The following RALGAPA1 variants were observed in gnomAD, a reference collection of about 807,000 sequenced individuals.
The protein encoded by RALGAPA1 is Ral GTPase activating protein catalytic subunit alpha 1.
Under a neutral mutation model 269.6 loss-of-function variants are expected in RALGAPA1, and 52 were observed. The observed-to-expected ratio is 0.19, with a 90% CI of 0.15 to 0.24. RALGAPA1 has a LOEUF of 0.24. Ranked by LOEUF, RALGAPA1 falls within the 10% of genes least tolerant of loss-of-function variation. The probability of loss-of-function intolerance (pLI) is 1.00; values close to 1 mark genes in which losing one functional copy is unlikely to be tolerated. For missense variants in RALGAPA1, 1,917 were observed against 3,013.9 expected, an observed-to-expected ratio of 0.64 and a Z score of 8.52; for synonymous variants, 817 against 1,008.3, an observed-to-expected ratio of 0.81 and a Z score of 3.60.
At chr14:35,736,118 G>C (rs996421531) in intron 12 of RALGAPA1, among the ~76,000 whole-genome samples, 1 of 152,182 alleles carries the variant, frequency 6.6e-6, no homozygotes, top group African/African-American at 2.4e-5. Flanking sequence ...AGATTAGAGA[G>C]AGAAACTTAG....
chr14:35,548,435 T>A (rs1011931493), intron 41 of RALGAPA1, 73 bp downstream of exon 41: 1 of 1,043,850 alleles, frequency 9.6e-7, no homozygotes, highest in East Asian at 2.5e-5. Flanking sequence ...AGTTACAAGC[T>A]TAGAGCCTGC....
intron 41 of RALGAPA1, among the ~76,000 whole-genome samples, chr14:35,547,276 AC>A (rs1448853539): frequency 1.3e-5 from 2 of 152,144 alleles, no homozygotes; most frequent in Non-Finnish European, 2.9e-5. Flanking sequence ...AGCCAACAGA[AC>A]CCTGACTTGG....
At position 35,689,697 on chromosome 14, in the gene RALGAPA1, T is replaced by C. The variant is rs1251527633; in HGVS notation, c.2714A>G (p.Asp905Gly). 1 of 1,401,988 alleles carries C rather than the reference T, an allele frequency of 7.1e-7. No individual in the cohort carries two copies. The highest frequency in any genetic ancestry group is 1.5e-5 in the African/African-American group (1 of 66,722). The allele number at this position is 1,401,988 out of a possible 1,614,324, so 86.8% of individuals were successfully genotyped here. The change falls in exon 18 of 42, where the codon GAT becomes GGT. Residue 905 changes from aspartate (D) to glycine (G), a missense_variant. By Grantham distance (94) the Asp-to-Gly change is moderately conservative. This residue lies in a region of RALGAPA1 where 615 missense variants were observed against 790.0 expected (regional missense o/e 0.78). Transcript: ENST00000680220. Reference sequence around the variant, plus strand: ...ATGACAAAGATGGTCATATATGCTATCACCAACTTCCAGAGAAGACTCTCT... The same window carrying C: ...ATGACAAAGATGGTCATATATGCTACCACCAACTTCCAGAGAAGACTCTCT... Reference protein sequence around the residue: ...HSRESSLEVGDSIYDHLCHLI... With the variant: ...HSRESSLEVGGSIYDHLCHLI...
intron 34 of RALGAPA1, among the ~76,000 whole-genome samples, 164 bp from the exon 35 acceptor site, chr14:35,625,596 C>T (rs967742400): frequency 6.6e-6 from 1 of 152,144 alleles, no homozygotes; most frequent in Non-Finnish European, 1.5e-5. Context: ...AAAGAATATA[C>T]GTCATTATTT....
chr14:35,679,338 T>C (rs2065216144), intron 21 of RALGAPA1, among the ~76,000 whole-genome samples: 1 of 152,230 alleles, frequency 6.6e-6, no homozygotes, highest in African/African-American at 2.4e-5. Context: ...TACATACAGA[T>C]GCTCCTTGAC....
chr14:35,719,943 G>A (rs1406369927), intron 16 of RALGAPA1, among the ~76,000 whole-genome samples: 3 of 152,114 alleles, frequency 2.0e-5, no homozygotes, highest in East Asian at 1.9e-4. Context: ...TACTACAGAC[G>A]GGGTTTCAGC....
Position 35,728,226 on chromosome 14 carries a change from T to C in RALGAPA1, c.1736+136A>G, listed in dbSNP as rs2070146314. ...AAGGAACTATTGCCACTATGATTAA[T>C]TTTATATTTATTCAATAATAGGAGC... On this transcript the variant is annotated intron_variant, in intron 13 of 41. Coordinates refer to ENST00000680220, the MANE Select transcript of RALGAPA1 (RefSeq NM_001346249.2). 7 of 847,622 alleles carry C rather than the reference T, an allele frequency of 8.3e-6. No homozygotes were observed. In the South Asian group the frequency reaches 3.5e-4, roughly 42 times the overall value. 52.5% of individuals were successfully genotyped at this position (847,622 alleles called of 1,614,324 possible).
intron 13 of RALGAPA1, among the ~76,000 whole-genome samples, chr14:35,726,622 C>A (rs547109499): frequency 2.0e-4 from 31 of 152,098 alleles, no homozygotes; most frequent in African/African-American, 5.3e-4. Context: ...ACATCTCTCT[C>A]TATATAAAAA....
At chr14:35,723,435 T>C (rs2069611335) in intron 14 of RALGAPA1, 171 bp from the exon 15 acceptor site, 2 of 468,166 alleles carry the variant, frequency 4.3e-6, no homozygotes, top group South Asian at 8.7e-5. Context: ...CATTAGAATC[T>C]ACTATAAATT....
chr14:35,548,972 G>T, intron 40 of RALGAPA1, 138 bp downstream of exon 40: 2 of 1,004,942 alleles, frequency 2.0e-6, no homozygotes, highest in Non-Finnish European at 1.4e-6. Flanking sequence ...AAATTTATAG[G>T]CCAAATTCAA....
At chr14:35,593,845 C>T (rs565356213) in intron 37 of RALGAPA1, among the ~76,000 whole-genome samples, 6 of 151,822 alleles carry the variant, frequency 4.0e-5, no homozygotes, top group Admixed American at 3.9e-4. Context: ...AAGAGTGAGA[C>T]CCTGTCTCAA....
intron 39 of RALGAPA1, among the ~76,000 whole-genome samples, chr14:35,562,792 T>TA (rs556555090): frequency 5.9e-5 from 9 of 151,540 alleles, no homozygotes; most frequent in African/African-American, 2.2e-4. Flanking sequence ...GAGGCTGAGG[T>TA]GGGCGGATCA....
chr14:35,742,238 G>T, intron 11 of RALGAPA1, 130 bp downstream of exon 11: 1 of 763,802 alleles, frequency 1.3e-6, no homozygotes, highest in Non-Finnish European at 2.1e-6. Flanking sequence ...CTAAATTGTT[G>T]CAAAATATAC....
intron 39 of RALGAPA1, among the ~76,000 whole-genome samples, chr14:35,555,590 C>G (rs554243387): frequency 2.0e-5 from 3 of 152,108 alleles, no homozygotes; most frequent in Non-Finnish European, 2.9e-5. Context: ...GAGGTTATCC[C>G]AAGACAAGGC....
intron 12 of RALGAPA1, among the ~76,000 whole-genome samples, chr14:35,733,597 C>T (rs974260950): frequency 6.6e-6 from 1 of 151,924 alleles, no homozygotes; most frequent in Non-Finnish European, 1.5e-5. Context: ...AGTTCATAGC[C>T]CTAAAAACCT....
intron 11 of RALGAPA1, among the ~76,000 whole-genome samples, chr14:35,739,403 A>G (rs1478777106): frequency 2.0e-5 from 3 of 152,170 alleles, no homozygotes; most frequent in South Asian, 2.1e-4. Flanking sequence ...AGCCAATAAA[A>G]CATGCCATGG....
At chr14:35,736,672 G>GA (rs1014876629) in intron 12 of RALGAPA1, among the ~76,000 whole-genome samples, 84 of 152,220 alleles carry the variant, frequency 5.5e-4, no homozygotes, top group African/African-American at 1.9e-3. Flanking sequence ...GATTAGGAAT[G>GA]AAAAAATGTA....
chr14:35,699,466 A>C (rs1021070273), intron 17 of RALGAPA1, among the ~76,000 whole-genome samples: 2 of 152,106 alleles, frequency 1.3e-5, no homozygotes, highest in Non-Finnish European at 2.9e-5. Flanking sequence ...ATTTTATTAC[A>C]TGTTAATTAA....
chr14:35,612,780 C>T (rs1159114043), intron 35 of RALGAPA1, among the ~76,000 whole-genome samples: 2 of 151,982 alleles, frequency 1.3e-5, no homozygotes, highest in Non-Finnish European at 1.5e-5. Flanking sequence ...CCTCGTGATC[C>T]GCCCTCCTTG....
Sources: allele counts gnomAD v4.1 joint callset (sites outside exome capture counted in the v4.1 genomes callset), GRCh38; gene constraint gnomAD v4.1.1; regional missense constraint gnomAD v4.1.1; transcripts MANE v1.5; gene names NCBI Gene and HGNC (gene_info 2026-07-23, HGNC 2026-07-21).